The following GASK1B variants were observed in gnomAD, a reference collection of about 807,000 sequenced individuals.
The protein encoded by GASK1B is Golgi-associated kinase 1B.
In GASK1B, 34 loss-of-function variants were observed where a neutral mutation model predicts 42.8. The ratio of observed to expected loss-of-function variants is 0.79; its 90% CI spans 0.60 to 1.06. The LOEUF (loss-of-function observed/expected upper bound fraction) is 1.06. Among genes scored for constraint, GASK1B ranks in the 50% least tolerant of loss-of-function variants. GASK1B has a pLI of 0.00. For missense variants in GASK1B, 686 were observed against 661.0 expected (o/e 1.04, Z -0.42); for synonymous variants, 262 against 259.1 (o/e 1.01, Z -0.11).
chr4:158,144,605 G>C (rs1731260646), intron 3 of GASK1B, among the ~76,000 whole-genome samples: 1 of 152,060 alleles, frequency 6.6e-6, no homozygotes, highest in Non-Finnish European at 1.5e-5. Flanking sequence ...TCCATAAAAA[G>C]AAATTGAGAA....
At chr4:158,157,058 G>C (rs1343752170) in intron 2 of GASK1B, among the ~76,000 whole-genome samples, 1 of 151,952 alleles carries the variant, frequency 6.6e-6, no homozygotes, top group Non-Finnish European at 1.5e-5. Context: ...TTTAACACAG[G>C]AAACAGTCCC....
At chr4:158,136,033 A>G (rs900150371) in intron 3 of GASK1B, among the ~76,000 whole-genome samples, 1 of 152,230 alleles carries the variant, frequency 6.6e-6, no homozygotes, top group African/African-American at 2.4e-5. Flanking sequence ...ATCTTGTTAG[A>G]TTCAGCAGGC....
At chr4:158,134,849 C>T (rs1209608125) in intron 3 of GASK1B, among the ~76,000 whole-genome samples, 1 of 152,164 alleles carries the variant, frequency 6.6e-6, no homozygotes, top group East Asian at 1.9e-4. Context: ...TGTCCTAGTT[C>T]ACCAAAACCC....
chr4:158,148,531 A>G (rs143589047), intron 3 of GASK1B, among the ~76,000 whole-genome samples: 34 of 152,316 alleles, frequency 2.2e-4, no homozygotes, highest in African/African-American at 7.7e-4. Context: ...GACAAACAGT[A>G]TTACTTTTGT....
intron 2 of GASK1B, among the ~76,000 whole-genome samples, chr4:158,158,874 CTA>C (rs1267869010): frequency 2.6e-5 from 4 of 152,022 alleles, no homozygotes; most frequent in Non-Finnish European, 5.9e-5. Context: ...ATTATAGAGA[CTA>C]TTTTTAGTTC....
intron 2 of GASK1B, chr4:158,167,180 C>G (rs918746204): frequency 1.3e-5 from 2 of 152,128 alleles, no homozygotes; most frequent in Admixed American, 6.5e-5. Context: ...TACTTACAGG[C>G]TTTGCTGGCT....
At chr4:158,167,737 A>G (rs1387736751) in intron 2 of GASK1B, among the ~76,000 whole-genome samples, 1 of 152,200 alleles carries the variant, frequency 6.6e-6, no homozygotes. Context: ...TATGTATTAT[A>G]TAATATAATG....
intron 2 of GASK1B, among the ~76,000 whole-genome samples, chr4:158,168,107 C>T (rs1262192593): frequency 6.6e-6 from 1 of 152,110 alleles, no homozygotes; most frequent in Non-Finnish European, 1.5e-5. Context: ...GACTTTGTGA[C>T]TCTAAATGAC....
At position 158,127,533 on chromosome 4, in the gene GASK1B, C is replaced by T. The variant is rs1408270632; in HGVS notation, c.1434G>A (p.Val478=). Residue 478 remains valine (V), a synonymous_variant, in exon 5 of 5, where the codon GTG becomes GTA. Coordinates refer to ENST00000585682, the MANE Select transcript of GASK1B (RefSeq NM_001128424.2). ...GTCTACCTCCTTGACTTTCCCAATACACTTTATCAAGAAACAGAGACTGAA... is the reference window on the plus strand; with the variant it reads ...GTCTACCTCCTTGACTTTCCCAATATACTTTATCAAGAAACAGAGACTGAA... ...KLLQSLFLDK[V]YWESQGGRQG... is the part of the protein sequence containing the mutation. The T allele has an allele frequency of 6.2e-7, 1 of 1,613,700 alleles. No individual in the cohort carries two copies. The highest frequency in any genetic ancestry group is 1.7e-5 in the Admixed American group (1 of 59,954).
chr4:158,142,443 T>G (rs1397459087), intron 3 of GASK1B, among the ~76,000 whole-genome samples: 1 of 152,170 alleles, frequency 6.6e-6, no homozygotes, highest in Non-Finnish European at 1.5e-5. Flanking sequence ...CAGACAAGAT[T>G]GGAAAGTCAG....
intron 3 of GASK1B, among the ~76,000 whole-genome samples, chr4:158,131,546 A>G (rs1730684021): frequency 6.6e-6 from 1 of 152,218 alleles, no homozygotes; most frequent in Admixed American, 6.5e-5. Flanking sequence ...CATAAAACCT[A>G]AAAGCACTAT....
chr4:158,166,435 T>C (rs1239568844), intron 2 of GASK1B, among the ~76,000 whole-genome samples: 1 of 152,224 alleles, frequency 6.6e-6, no homozygotes, highest in Non-Finnish European at 1.5e-5. Flanking sequence ...GAGCTTTATC[T>C]GAAAGGCTGG....
In GASK1B at chr4:158,125,703, G is replaced by C. The variant is rs948548116; in HGVS notation, c.*1704C>G. On this transcript the variant is annotated 3_prime_UTR_variant, in exon 5 of 5. Coordinates refer to ENST00000585682, the MANE Select transcript of GASK1B (RefSeq NM_001128424.2). ...GGTCAATAGAGGGAAAATTGAAGAG[G>C]AAGATAATCCAAAGCTCAACTGTCC... The C allele has an allele frequency of 6.6e-6, 1 of 152,132 alleles. No individual in the cohort carries two copies. The highest frequency in any genetic ancestry group is 1.5e-5 in the Non-Finnish European group (1 of 68,042). The allele number at this position is 152,132 out of a possible 1,614,324, so 9.4% of individuals were successfully genotyped here. A position where few individuals can be genotyped will look rare whatever the true frequency, so the allele number is the denominator to read the frequency against.
At chr4:158,171,903 C>A (rs1255085053) in intron 1 of GASK1B, among the ~76,000 whole-genome samples, 4 of 152,110 alleles carry the variant, frequency 2.6e-5, no homozygotes, top group African/African-American at 9.7e-5. Context: ...TTTTGAAATT[C>A]AGAAAGAACT....
chr4:158,141,454 T>C (rs1325021864), intron 3 of GASK1B, among the ~76,000 whole-genome samples: 2 of 151,564 alleles, frequency 1.3e-5, no homozygotes, highest in Non-Finnish European at 2.9e-5. Flanking sequence ...GGCTAGGCTA[T>C]TCTTTTTCTT....
At chr4:158,172,123 T>C (rs1732573651) in intron 1 of GASK1B, 1 of 152,154 alleles carries the variant, frequency 6.6e-6, no homozygotes, top group Non-Finnish European at 1.5e-5. Context: ...TAAATGTCCA[T>C]ATATCTTGGA....
At chr4:158,169,794 C>G (rs1732385537) in intron 2 of GASK1B, 1 of 168,642 alleles carries the variant, frequency 5.9e-6, no homozygotes, top group African/African-American at 2.4e-5. Flanking sequence ...GTGTTAGAAC[C>G]TGCCAAAATG....
rs1730505154 is a variant in GASK1B, at chr4:158,127,518, T to C, written c.1449A>G (p.Gln483=). The change falls in exon 5 of 5, where the codon CAA becomes CAG. Residue 483 remains glutamine, a synonymous_variant. Transcript: ENST00000585682. ...GCTTTTCAATTCCTTGTCTACCTCC[T>C]TGACTTTCCCAATACACTTTATCAA... is the stretch of plus-strand genomic sequence containing the variant. ...LFLDKVYWES[Q]GGRQGIEKLI... is the part of the protein sequence containing the mutation. 1 of 1,613,816 alleles carries C rather than the reference T, an allele frequency of 6.2e-7. No homozygotes were observed. Among genetic ancestry groups the C allele is most frequent in the South Asian group, 1.1e-5 (1 of 91,082 alleles).
chr4:158,171,022 C>G lies in GASK1B; in HGVS notation c.354G>C (p.Pro118=). The change falls in exon 2 of 5, where the codon CCG becomes CCC. Residue 118 remains proline, a synonymous_variant. Transcript: ENST00000585682. ...GCTTCACGGTGCCACGGATATTGGC[C>G]GGCTTGCTGCGCTTGGAGCGTAGGG... The part of the protein sequence containing the change: ...YITLRSKRSK[P]ANIRGTVKPK... 1 of 1,613,912 alleles carries G rather than the reference C, an allele frequency of 6.2e-7. No individual in the cohort carries two copies.
Sources: allele counts gnomAD v4.1 joint callset (sites outside exome capture counted in the v4.1 genomes callset), GRCh38; gene constraint gnomAD v4.1.1; transcripts MANE v1.5; gene names NCBI Gene and HGNC (gene_info 2026-07-23, HGNC 2026-07-21).